Variants in RARB observed in about 807,000 individuals in gnomAD.
The protein encoded by RARB is retinoic acid receptor beta, also known as HBV-activated protein.
A neutral mutation model predicts 51.9 loss-of-function variants in RARB; 17 were observed. The observed-to-expected ratio is 0.33, with a 90% CI of 0.22 to 0.49. The LOEUF (loss-of-function observed/expected upper bound fraction) is 0.49. Ranked by LOEUF, RARB falls within the 20% of genes least tolerant of loss-of-function variation. The probability of loss-of-function intolerance (pLI) is 0.99; values close to 1 mark genes in which losing one functional copy is unlikely to be tolerated. For missense variants in RARB, 369 were observed against 550.8 expected, an observed-to-expected ratio of 0.67 and a Z score of 3.30; for synonymous variants, 215 against 195.4, an observed-to-expected ratio of 1.10 and a Z score of -0.84.
At chr3:25,018,099 CCAAA>C (rs1697554515) in intron 2 of RARB, among the ~76,000 whole-genome samples, 2 of 152,104 alleles carry the variant, frequency 1.3e-5, no homozygotes, top group Admixed American at 1.3e-4. Context: ...TTATTGCAAC[CCAAA>C]CAGACTAAGA....
intron 2 of RARB, among the ~76,000 whole-genome samples, chr3:24,902,253 A>G (rs1485297292): frequency 1.3e-5 from 2 of 152,172 alleles, no homozygotes; most frequent in Admixed American, 6.6e-5. Flanking sequence ...ATATATTTTT[A>G]TATTTCCGCT....
rs563669199 is a variant in RARB at position 25,558,094 on chromosome 3, C to G, written c.449-11664C>G. The stretch of plus-strand genomic sequence containing the variant: ...TTTTGGATTCTCCGGGAAGTTCAAA[C>G]AGCCTTTTTGTGTTTGTAAACATGG... On this transcript the variant is annotated intron_variant, in intron 3 of 7. Transcript: ENST00000330688. Among the ~76,000 whole-genome samples the G allele has an allele frequency of 3.3e-4, 50 of 152,336 alleles. 1 individual carries two copies. The South Asian group carries it at 5.6e-3, about 17-fold the overall frequency.
At chr3:25,325,431 G>A (rs566143028) in intron 5 of RARB, among the ~76,000 whole-genome samples, 15 of 152,090 alleles carry the variant, frequency 9.9e-5, no homozygotes, top group Admixed American at 2.6e-4. Context: ...GACTTAGAAC[G>A]GCTAACCTCC....
At chr3:25,198,098 A>G (rs1473241350) in intron 5 of RARB, among the ~76,000 whole-genome samples, 3 of 152,120 alleles carry the variant, frequency 2.0e-5, no homozygotes, top group Non-Finnish European at 4.4e-5. Context: ...GGAACAGAAT[A>G]GAGAATCCAG....
chr3:25,083,044 G>A (rs1468833172), intron 3 of RARB, among the ~76,000 whole-genome samples: 1 of 151,794 alleles, frequency 6.6e-6, no homozygotes, highest in Non-Finnish European at 1.5e-5. Flanking sequence ...TATTCTTACT[G>A]TTCCTCTGTA....
chr3:24,866,110 C>T (rs1388685315), intron 2 of RARB, among the ~76,000 whole-genome samples: 1 of 152,026 alleles, frequency 6.6e-6, no homozygotes, highest in Non-Finnish European at 1.5e-5. Flanking sequence ...AATGCTGGCC[C>T]CAGGATGAAG....
At chr3:25,355,099 C>T (rs1023618510) in intron 5 of RARB, among the ~76,000 whole-genome samples, 5 of 152,036 alleles carry the variant, frequency 3.3e-5, no homozygotes, top group African/African-American at 9.7e-5. Context: ...ATAGGATGTA[C>T]AGGAAAATTA....
At chr3:25,573,314 C>T (rs1379069561) in intron 4 of RARB, among the ~76,000 whole-genome samples, 3 of 152,192 alleles carry the variant, frequency 2.0e-5, no homozygotes, top group East Asian at 1.9e-4. Flanking sequence ...GCCTCCAGGG[C>T]CCTTTCCTAT....
chr3:25,309,113 C>T (rs959331317), intron 5 of RARB, among the ~76,000 whole-genome samples: 3 of 146,762 alleles, frequency 2.0e-5, no homozygotes, highest in South Asian at 2.2e-4. Flanking sequence ...GTCATTTCTG[C>T]GTGGACTGTG....
intron 1 of RARB, among the ~76,000 whole-genome samples, chr3:25,443,783 T>C (rs777828928): frequency 3.3e-5 from 5 of 151,050 alleles, no homozygotes; most frequent in African/African-American, 4.9e-5. Context: ...ATACAAAAAT[T>C]AGCTGGGCGT....
At chr3:24,868,005 C>G (rs915104912) in intron 2 of RARB, among the ~76,000 whole-genome samples, 5 of 152,124 alleles carry the variant, frequency 3.3e-5, no homozygotes, top group Non-Finnish European at 7.4e-5. Flanking sequence ...ATGATTCATC[C>G]TTACTAAGGA....
intron 2 of RARB, among the ~76,000 whole-genome samples, chr3:25,043,509 AT>A (rs1337205190): frequency 1.3e-5 from 2 of 152,256 alleles, no homozygotes; most frequent in East Asian, 3.8e-4. Context: ...AGGACTTGGA[AT>A]TTTAAGAAGG....
At chr3:24,871,594 A>G (rs1467856677) in intron 2 of RARB, among the ~76,000 whole-genome samples, 1 of 152,188 alleles carries the variant, frequency 6.6e-6, no homozygotes, top group Non-Finnish European at 1.5e-5. Flanking sequence ...CTTTTATGCT[A>G]ACATCTTCTA....
chr3:24,942,280 G>A (rs566725903), intron 2 of RARB, among the ~76,000 whole-genome samples: 3 of 152,272 alleles, frequency 2.0e-5, no homozygotes, highest in African/African-American at 7.2e-5. Context: ...CTGTAGCTGT[G>A]CTCATAATTG....
intron 4 of RARB, among the ~76,000 whole-genome samples, chr3:25,574,269 A>G (rs752404399): frequency 1.3e-5 from 2 of 152,172 alleles, no homozygotes; most frequent in Non-Finnish European, 2.9e-5. Flanking sequence ...GACTTTGGAA[A>G]GTTACATCAT....
At chr3:24,994,874 A>G (rs1346352176) in intron 2 of RARB, among the ~76,000 whole-genome samples, 1 of 152,008 alleles carries the variant, frequency 6.6e-6, no homozygotes, top group Non-Finnish European at 1.5e-5. Flanking sequence ...ATGCCAGTAC[A>G]ATGCTATTTC....
intron 3 of RARB, among the ~76,000 whole-genome samples, chr3:25,128,390 A>G (rs917674435): frequency 6.7e-6 from 1 of 149,870 alleles, no homozygotes; most frequent in Non-Finnish European, 1.5e-5. Context: ...ATATTTCTAT[A>G]TATTATAATT....
rs577628507 is a variant in RARB at position 25,039,219 on chromosome 3, G to C, written c.-379-20906G>C. Among the ~76,000 whole-genome samples, 24 of 152,286 alleles carry C rather than the reference G, an allele frequency of 1.6e-4. No individual in the cohort carries two copies. The East Asian group carries it at 4.6e-3, about 29-fold the overall frequency. ...GAGGGATACGTATGAAACAAAGAAG[G>C]GTGAGGCAGAGGCGAAGTGGGAAGC... On this transcript the variant is annotated intron_variant, in intron 2 of 11. Coordinates refer to the RARB transcript ENST00000383772.
In RARB at chr3:25,213,907, A is replaced by G. The variant is rs1363071305; in HGVS notation, c.178+39332A>G. Reference sequence around the variant, plus strand: ...TTTTGTAAACCATTCATTTCCCACTATAATCTGCTCTTATGAATGAATATA... The same window carrying G: ...TTTTGTAAACCATTCATTTCCCACTGTAATCTGCTCTTATGAATGAATATA... On this transcript the variant is annotated intron_variant, in intron 5 of 11. Coordinates refer to the RARB transcript ENST00000383772. 2.0e-5 allele frequency among the ~76,000 whole-genome samples: 3 copies of G among 152,208 alleles called. No individual in the cohort carries two copies. In the East Asian group the frequency reaches 5.8e-4, roughly 29 times the overall value.
Sources: allele counts gnomAD v4.1 joint callset (sites outside exome capture counted in the v4.1 genomes callset), GRCh38; gene constraint gnomAD v4.1.1; transcripts MANE v1.5; gene names NCBI Gene and HGNC (gene_info 2026-07-23, HGNC 2026-07-21).